KHDRBS2: variants seen among roughly 807,000 people sequenced by gnomAD.
KHDRBS2 encodes the protein KH RNA binding domain containing, signal transduction associated 2.
Under a neutral mutation model 44.3 loss-of-function variants are expected in KHDRBS2, and 26 were observed. The observed-to-expected ratio is 0.59, with a 90% CI of 0.43 to 0.81. KHDRBS2 has a LOEUF of 0.81. Among genes scored for constraint, KHDRBS2 ranks in the 40% least tolerant of loss-of-function variants. KHDRBS2 has a pLI of 0.00. For missense variants in KHDRBS2, 476 were observed against 433.1 expected (o/e 1.10, Z -0.88); for synonymous variants, 194 against 151.1 (o/e 1.28, Z -2.08).
At position 62,286,197 on chromosome 6, in the gene KHDRBS2, G is replaced by C. The variant is rs552269200; in HGVS notation, c.-249C>G. The C allele has an allele frequency of 2.4e-5, 12 of 509,438 alleles. 1 individual carries two copies. In the South Asian group the frequency reaches 3.0e-4, roughly 13 times the overall value. The allele number at this position is 509,438 out of a possible 1,614,324, so 31.6% of individuals were successfully genotyped here. A position where few individuals can be genotyped will look rare whatever the true frequency, so the allele number is the denominator to read the frequency against. On this transcript the variant is annotated 5_prime_UTR_variant, in exon 1 of 9. Transcript: ENST00000281156. ...GCGCAGAGCCCCGGCTCACACCAGC[G>C]GCCTTAACTGGAGAGGCGGGAACAG... is the stretch of plus-strand genomic sequence containing the variant.
At chr6:62,016,667 T>A (rs1199321101) in intron 3 of KHDRBS2, among the ~76,000 whole-genome samples, 1 of 150,626 alleles carries the variant, frequency 6.6e-6, no homozygotes, top group South Asian at 2.1e-4. Context: ...TTATATATAG[T>A]CTGATCGAGA....
At chr6:61,790,901 T>C (rs1325955657) in intron 6 of KHDRBS2, among the ~76,000 whole-genome samples, 1 of 151,552 alleles carries the variant, frequency 6.6e-6, no homozygotes, top group African/African-American at 2.4e-5. Flanking sequence ...TCTAGAATTT[T>C]CTCAGTAGAA....
At chr6:61,966,385 T>C (rs1335165936) in intron 4 of KHDRBS2, among the ~76,000 whole-genome samples, 1 of 152,058 alleles carries the variant, frequency 6.6e-6, no homozygotes, top group Non-Finnish European at 1.5e-5. Context: ...TGCATTTTAA[T>C]ATTTCTTTCT....
the KHDRBS2 span, among the ~76,000 whole-genome samples, chr6:61,636,622 G>A: frequency 6.6e-6 from 1 of 152,068 alleles, no homozygotes; most frequent in Admixed American, 6.6e-5. Flanking sequence ...GATGCTATTG[G>A]CATCTAATGG....
intron 1 of KHDRBS2, among the ~76,000 whole-genome samples, chr6:62,209,457 T>G (rs1175986205): frequency 6.6e-6 from 1 of 152,216 alleles, no homozygotes; most frequent in Non-Finnish European, 1.5e-5. Context: ...ATAGATGTGT[T>G]TGCGTGTATA....
chr6:62,060,084 A>C lies in KHDRBS2; in HGVS notation c.220-12090T>G, dbSNP rs1311495691. 1.3e-5 allele frequency among the ~76,000 whole-genome samples: 2 copies of C among 151,806 alleles called. 1 individual carries two copies. The highest frequency in any genetic ancestry group is 3.9e-4 in the East Asian group (2 of 5,122). ...GAAGTTGGGGCGGGGACAGGAGAGAAGGGTGCTGATGGGGACTTTCCTGGC... is the reference window on the plus strand; with the variant it reads ...GAAGTTGGGGCGGGGACAGGAGAGACGGGTGCTGATGGGGACTTTCCTGGC... On this transcript the variant is annotated intron_variant, in intron 2 of 8. Transcript: ENST00000281156.
intron 6 of KHDRBS2, among the ~76,000 whole-genome samples, chr6:61,790,954 G>T (rs1454208653): frequency 3.3e-5 from 5 of 151,374 alleles, no homozygotes; most frequent in African/African-American, 1.2e-4. Context: ...CAGCTATAGG[G>T]TCACTTGAAT....
At chr6:61,905,850 TTTTC>T (rs1804890717) in intron 4 of KHDRBS2, among the ~76,000 whole-genome samples, 1 of 121,736 alleles carries the variant, frequency 8.2e-6, no homozygotes, top group Non-Finnish European at 1.8e-5. Flanking sequence ...GGAACAAAAC[TTTTC>T]TTTTTTTTTT....
At chr6:61,940,774 G>T (rs1383680981) in intron 4 of KHDRBS2, among the ~76,000 whole-genome samples, 2 of 152,104 alleles carry the variant, frequency 1.3e-5, no homozygotes, top group African/African-American at 4.8e-5. Flanking sequence ...GTGATCATGG[G>T]CTAACATACC....
At chr6:61,590,073 T>C in the KHDRBS2 span, among the ~76,000 whole-genome samples, 1 of 152,116 alleles carries the variant, frequency 6.6e-6, no homozygotes, top group South Asian at 2.1e-4. Flanking sequence ...TAGAAACAAA[T>C]ATTAGATGAG....
At chr6:61,788,224 T>C (rs920157599) in intron 6 of KHDRBS2, among the ~76,000 whole-genome samples, 2 of 151,484 alleles carry the variant, frequency 1.3e-5, no homozygotes, top group African/African-American at 4.8e-5. Flanking sequence ...TACTATTGTG[T>C]TTTAGACTTT....
At chr6:61,548,191 G>C in the KHDRBS2 span, among the ~76,000 whole-genome samples, 3 of 152,110 alleles carry the variant, frequency 2.0e-5, no homozygotes, top group African/African-American at 7.2e-5. Flanking sequence ...TATTTGGAAA[G>C]AGACTTCAAC....
chr6:61,969,314 T>A (rs1212625298), intron 4 of KHDRBS2, among the ~76,000 whole-genome samples: 1 of 152,072 alleles, frequency 6.6e-6, no homozygotes, highest in Non-Finnish European at 1.5e-5. Flanking sequence ...ATCACTAACA[T>A]GCACAGTTAC....
At chr6:61,992,406 T>C (rs1253879537) in intron 3 of KHDRBS2, among the ~76,000 whole-genome samples, 1 of 152,170 alleles carries the variant, frequency 6.6e-6, no homozygotes, top group Non-Finnish European at 1.5e-5. Flanking sequence ...TCAGATTGAA[T>C]ATATTTAGCT....
At chr6:62,205,401 A>G (rs888334066) in intron 1 of KHDRBS2, among the ~76,000 whole-genome samples, 1 of 152,132 alleles carries the variant, frequency 6.6e-6, no homozygotes, top group Non-Finnish European at 1.5e-5. Flanking sequence ...CTCAGCCACC[A>G]TATCTTTCCT....
At chr6:61,892,236 T>C (rs967613124) in intron 6 of KHDRBS2, among the ~76,000 whole-genome samples, 13 of 152,064 alleles carry the variant, frequency 8.5e-5, no homozygotes, top group Non-Finnish European at 1.9e-4. Flanking sequence ...AAACCACTGC[T>C]CAATGAAATA....
At chr6:61,843,575 G>A (rs1793925387) in intron 6 of KHDRBS2, among the ~76,000 whole-genome samples, 1 of 151,738 alleles carries the variant, frequency 6.6e-6, no homozygotes. Context: ...ATGTTGGCCA[G>A]GCTGGTCTCA....
intron 6 of KHDRBS2, among the ~76,000 whole-genome samples, chr6:61,740,816 A>C (rs1776032607): frequency 1.3e-5 from 2 of 151,924 alleles, no homozygotes; most frequent in African/African-American, 4.8e-5. Context: ...CCGTGATACG[A>C]TTAAGAGTTG....
At chr6:61,758,644 C>A (rs1365568254) in intron 6 of KHDRBS2, among the ~76,000 whole-genome samples, 1 of 151,880 alleles carries the variant, frequency 6.6e-6, no homozygotes, top group African/African-American at 2.4e-5. Context: ...CCAAATATGG[C>A]CCACAAGAGT....
Sources: allele counts gnomAD v4.1 joint callset (sites outside exome capture counted in the v4.1 genomes callset), GRCh38; gene constraint gnomAD v4.1.1; transcripts MANE v1.5; gene names NCBI Gene and HGNC (gene_info 2026-07-23, HGNC 2026-07-21).